NAV3: variants seen among roughly 807,000 people sequenced by gnomAD.
The protein encoded by NAV3 is neuron navigator 3.
In NAV3, 87 loss-of-function variants were observed where a neutral mutation model predicts 244.7. The ratio of observed to expected loss-of-function variants is 0.36; its 90% CI spans 0.30 to 0.42. NAV3 has a LOEUF of 0.42. Among genes scored for constraint, NAV3 ranks in the 20% least tolerant of loss-of-function variants. The probability of loss-of-function intolerance (pLI) is 1.00; values close to 1 mark genes in which losing one functional copy is unlikely to be tolerated. For missense variants in NAV3, 2,663 were observed against 2,893.3 expected, an observed-to-expected ratio of 0.92 and a Z score of 1.83; for synonymous variants, 1,126 against 1,042.2, an observed-to-expected ratio of 1.08 and a Z score of -1.55.
intron 2 of NAV3, among the ~76,000 whole-genome samples, chr12:77,757,117 A>C (rs186202080): frequency 2.5e-4 from 38 of 152,334 alleles, no homozygotes; most frequent in African/African-American, 9.1e-4. Flanking sequence ...TTTCATCCTG[A>C]GACTCAAATT....
chr12:77,690,803 A>G (rs570492436), intron 2 of NAV3, among the ~76,000 whole-genome samples: 56 of 149,624 alleles, frequency 3.7e-4, no homozygotes, highest in Non-Finnish European at 7.3e-4. Context: ...TGTCTAGAAT[A>G]ATATTCACTC....
At chr12:78,150,629 C>CCT (rs1491335841) in intron 22 of NAV3, among the ~76,000 whole-genome samples, 1 of 122,532 alleles carries the variant, frequency 8.2e-6, no homozygotes, top group African/African-American at 2.9e-5. Context: ...GCAAAAGCTT[C>CCT]CTCACACACA....
chr12:78,035,769 T>C (rs970454911), intron 9 of NAV3, among the ~76,000 whole-genome samples: 4 of 152,228 alleles, frequency 2.6e-5, no homozygotes, highest in African/African-American at 7.2e-5. Flanking sequence ...ATCTTTATCA[T>C]CACATTAGGA....
At chr12:78,017,014 T>A (rs1217047793) in intron 8 of NAV3, among the ~76,000 whole-genome samples, 1 of 152,108 alleles carries the variant, frequency 6.6e-6, no homozygotes, top group Non-Finnish European at 1.5e-5. Flanking sequence ...GGGTAGTAGT[T>A]AATAGAGCAA....
intron 2 of NAV3, among the ~76,000 whole-genome samples, chr12:77,759,339 T>C (rs1447391616): frequency 3.3e-5 from 5 of 152,188 alleles, no homozygotes; most frequent in Non-Finnish European, 7.3e-5. Flanking sequence ...GAAAATGGGG[T>C]ACAGAAGTAT....
chr12:77,929,502 G>A (rs1888563021), intron 1 of NAV3, among the ~76,000 whole-genome samples: 1 of 152,124 alleles, frequency 6.6e-6, no homozygotes, highest in Non-Finnish European at 1.5e-5. Flanking sequence ...AGTCAAATCT[G>A]TTTCACTTTC....
At position 78,206,563 on chromosome 12, in the gene NAV3, A is replaced by T. The variant is rs562286656; in HGVS notation, c.7038+1425A>T. On this transcript the variant is annotated intron_variant, in intron 39 of 39. Transcript: ENST00000397909. Reference sequence around the variant, plus strand: ...TTAGGAAATGCCCACAACTTTCCCAATTCTCATAGTCCAGCTCAGCTCACC... The same window carrying T: ...TTAGGAAATGCCCACAACTTTCCCATTTCTCATAGTCCAGCTCAGCTCACC... 8.5e-5 allele frequency among the ~76,000 whole-genome samples: 13 copies of T among 152,170 alleles called. No individual in the cohort carries two copies. The South Asian group carries it at 2.1e-3, about 24-fold the overall frequency.
intron 1 of NAV3, among the ~76,000 whole-genome samples, chr12:77,855,940 G>A: frequency 6.6e-6 from 1 of 152,062 alleles, no homozygotes; most frequent in East Asian, 1.9e-4. Flanking sequence ...AATTTTTGGT[G>A]GTGTATTTTA....
chr12:77,669,861 A>G (rs547156928), intron 2 of NAV3, among the ~76,000 whole-genome samples: 4 of 152,220 alleles, frequency 2.6e-5, no homozygotes, highest in Admixed American at 2.6e-4. Context: ...CAAATATTTA[A>G]TGAACATTCT....
At chr12:77,636,328 TGGTGGTGGGCG>T (rs1390258378) in intron 2 of NAV3, among the ~76,000 whole-genome samples, 1 of 151,804 alleles carries the variant, frequency 6.6e-6, no homozygotes, top group African/African-American at 2.4e-5. Context: ...TAGCCAGGCG[TGGTGGTGGGCG>T]CCTGTAGTCC....
At chr12:77,683,374 G>C (rs10160882) in intron 2 of NAV3, among the ~76,000 whole-genome samples, 21,421 of 151,644 alleles carry the variant, frequency 0.14, 2,520 homozygotes, top group African/African-American at 0.33. Flanking sequence ...GTCTTTGTAT[G>C]TGTTTTTTTT....
intron 1 of NAV3, among the ~76,000 whole-genome samples, chr12:77,864,338 G>A (rs1315327089): frequency 6.6e-6 from 1 of 151,780 alleles, no homozygotes; most frequent in Non-Finnish European, 1.5e-5. Flanking sequence ...AACATACCTT[G>A]TTATGATATG....
intron 5 of NAV3, among the ~76,000 whole-genome samples, chr12:77,985,470 T>C (rs1242824692): frequency 1.3e-5 from 2 of 152,210 alleles, no homozygotes; most frequent in Non-Finnish European, 2.9e-5. Context: ...AGTTAATCTT[T>C]AGAATAACAT....
chr12:77,970,662 A>C (rs1027068339), intron 5 of NAV3, among the ~76,000 whole-genome samples: 1 of 152,122 alleles, frequency 6.6e-6, no homozygotes, highest in Admixed American at 6.6e-5. Context: ...GGTTATATCA[A>C]GTGAGATTGT....
In NAV3 at chr12:77,696,227, A is replaced by G. The variant is rs575996168; in HGVS notation, c.72+123961A>G. Among the ~76,000 whole-genome samples, 29 of 152,264 alleles carry G rather than the reference A, an allele frequency of 1.9e-4. No individual in the cohort carries two copies. The South Asian group carries it at 5.8e-3, about 30-fold the overall frequency. On this transcript the variant is annotated intron_variant, in intron 2 of 8. Coordinates refer to the NAV3 transcript ENST00000550042. Reference sequence around the variant, plus strand: ...ATGCTGTCCTAGTGATTTGCTTATAACCAATAGAATATGGCAAAGGGGACA... The same window carrying G: ...ATGCTGTCCTAGTGATTTGCTTATAGCCAATAGAATATGGCAAAGGGGACA...
intron 11 of NAV3, among the ~76,000 whole-genome samples, chr12:78,054,431 A>G (rs1305886417): frequency 1.3e-5 from 2 of 152,206 alleles, no homozygotes; most frequent in African/African-American, 4.8e-5. Flanking sequence ...ATTATAAGCT[A>G]TGTAAAATAC....
At chr12:77,867,260 G>A (rs1186181937) in intron 1 of NAV3, among the ~76,000 whole-genome samples, 1 of 152,074 alleles carries the variant, frequency 6.6e-6, no homozygotes, top group African/African-American at 2.4e-5. Flanking sequence ...TTCCATTTTC[G>A]CTTGCTCTCA....
intron 34 of NAV3, among the ~76,000 whole-genome samples, chr12:78,194,195 C>T (rs1028337682): frequency 2.0e-5 from 3 of 151,966 alleles, no homozygotes; most frequent in African/African-American, 4.8e-5. Flanking sequence ...TTTCTATTCA[C>T]CTACTAAATA....
intron 2 of NAV3, among the ~76,000 whole-genome samples, chr12:77,778,483 G>C (rs1291144481): frequency 6.6e-6 from 1 of 151,448 alleles, no homozygotes; most frequent in Non-Finnish European, 1.5e-5. Context: ...ATGGTGGCGG[G>C]TGCCTGTATT....
Sources: gnomAD v4.1 joint callset for allele counts (sites outside exome capture counted in the v4.1 genomes callset) on GRCh38, gnomAD v4.1.1 for gene constraint, MANE v1.5 for transcripts, NCBI Gene and HGNC (gene_info 2026-07-23, HGNC 2026-07-21) for gene names.